The following CAMTA1 variants were observed in gnomAD, a reference collection of about 807,000 sequenced individuals.
The protein encoded by CAMTA1 is calmodulin-binding transcription activator 1.
A neutral mutation model predicts 170.9 loss-of-function variants in CAMTA1; 27 were observed. That is an observed-to-expected ratio of 0.16 (90% confidence interval 0.12 to 0.22). The LOEUF is 0.22. CAMTA1 is among the 10% of genes least tolerant of loss of function. CAMTA1 has a pLI of 1.00. For synonymous variants in CAMTA1, 833 were observed against 891.5 expected (o/e 0.93, Z 1.17); for missense variants, 1,619 against 2,217.2 (o/e 0.73, Z 5.42).
intron 4 of CAMTA1, among the ~76,000 whole-genome samples, chr1:7,152,783 G>A (rs770368092): frequency 1.3e-5 from 2 of 152,224 alleles, no homozygotes; most frequent in Admixed American, 1.3e-4. Flanking sequence ...TGGCCATGTC[G>A]TGTTTCATTT....
At chr1:7,546,972 C>T (rs1031111166) in intron 6 of CAMTA1, among the ~76,000 whole-genome samples, 2 of 152,046 alleles carry the variant, frequency 1.3e-5, no homozygotes, top group African/African-American at 4.8e-5. Context: ...ATAGTATATG[C>T]AAGTATTCCC....
At chr1:7,689,267 CAA>C (rs371037487) in intron 11 of CAMTA1, among the ~76,000 whole-genome samples, 1 of 132,076 alleles carries the variant, frequency 7.6e-6, no homozygotes. Flanking sequence ...AACTCCTTCT[CAA>C]AAAAAAAAAA....
rs115595221 is a variant in CAMTA1, at chr1:7,498,302, G to A, written c.510+30401G>A. ...TGTGAGCGTGTATGAGCGTGACAGT[G>A]AGTGTGGATGTGTGTGTAAGAGTGA... is the stretch of plus-strand genomic sequence containing the variant. On this transcript the variant is annotated intron_variant, in intron 6 of 22. Coordinates refer to ENST00000303635, the MANE Select transcript of CAMTA1 (RefSeq NM_015215.4). Among the ~76,000 whole-genome samples, 1,351 of 150,646 alleles carry A rather than the reference G, an allele frequency of 9.0e-3. 20 individuals are homozygous for A. Among genetic ancestry groups the A allele is most frequent in the African/African-American group, 0.031 (1,239 of 40,474 alleles).
At chr1:7,194,045 A>G (rs1655054036) in intron 4 of CAMTA1, among the ~76,000 whole-genome samples, 1 of 152,234 alleles carries the variant, frequency 6.6e-6, no homozygotes, top group Non-Finnish European at 1.5e-5. Context: ...AGCATTTTAT[A>G]CGTAAACGTA....
rs780640953 is a variant in CAMTA1, at chr1:7,655,225, CACACACACACCTAT to C, written c.665-6479_665-6466del. The stretch of plus-strand genomic sequence containing the variant: ...ATACACACAAACACACCCATCTATA[CACACACACACCTAT>C]ACACACACACCTATACACACAGACC... On this transcript the variant is annotated intron_variant, in intron 7 of 22. Coordinates refer to ENST00000303635, the MANE Select transcript of CAMTA1 (RefSeq NM_015215.4). Among the ~76,000 whole-genome samples the C allele has an allele frequency of 3.1e-3, 50 of 16,078 alleles. 1 individual carries two copies. The highest frequency in any genetic ancestry group is 7.9e-3 in the African/African-American group (43 of 5,436). 10.5% of individuals were successfully genotyped at this position (16,078 alleles called of 152,430 possible).
chr1:6,957,399 G>C (rs1217642824), intron 3 of CAMTA1, among the ~76,000 whole-genome samples: 1 of 152,108 alleles, frequency 6.6e-6, no homozygotes, highest in Non-Finnish European at 1.5e-5. Context: ...GGCAGAAGTT[G>C]GGTCTTGATT....
intron 6 of CAMTA1, among the ~76,000 whole-genome samples, chr1:7,484,143 C>T (rs2093582588): frequency 6.6e-6 from 1 of 152,206 alleles, no homozygotes; most frequent in South Asian, 2.1e-4. Flanking sequence ...GCCGCAGGGC[C>T]ATCACCAGCT....
chr1:7,608,383 G>A (rs1482924495), intron 6 of CAMTA1, among the ~76,000 whole-genome samples: 2 of 152,192 alleles, frequency 1.3e-5, no homozygotes, highest in Admixed American at 6.5e-5. Flanking sequence ...CCTAGTTCCT[G>A]GGGAATGCTC....
intron 4 of CAMTA1, among the ~76,000 whole-genome samples, chr1:7,229,939 C>T (rs1423271904): frequency 7.2e-5 from 11 of 152,086 alleles, no homozygotes; most frequent in Admixed American, 7.2e-4. Flanking sequence ...GATGTTTCTT[C>T]TTGGGGTTTT....
At chr1:6,801,202 G>A (rs1643773675) in intron 1 of CAMTA1, among the ~76,000 whole-genome samples, 1 of 152,202 alleles carries the variant, frequency 6.6e-6, no homozygotes, top group Admixed American at 6.5e-5. Context: ...CAGGCTTTCT[G>A]TACTGAATCT....
At chr1:7,428,486 G>A (rs950955445) in intron 5 of CAMTA1, among the ~76,000 whole-genome samples, 7 of 152,090 alleles carry the variant, frequency 4.6e-5, no homozygotes, top group Non-Finnish European at 8.8e-5. Context: ...CTGCTCAGTT[G>A]CCTCTGGTGG....
At chr1:6,984,802 G>A (rs1042301971) in intron 3 of CAMTA1, among the ~76,000 whole-genome samples, 5 of 152,156 alleles carry the variant, frequency 3.3e-5, no homozygotes, top group African/African-American at 9.7e-5. Flanking sequence ...GCCAGACACC[G>A]AGTTCAGACG....
At chr1:7,031,566 C>A (rs1702799343) in intron 3 of CAMTA1, among the ~76,000 whole-genome samples, 1 of 152,022 alleles carries the variant, frequency 6.6e-6, no homozygotes, top group South Asian at 2.1e-4. Flanking sequence ...TTGAGACAGA[C>A]TCTCACTCTG....
intron 5 of CAMTA1, among the ~76,000 whole-genome samples, chr1:7,417,560 T>C (rs1211451549): frequency 7.9e-5 from 12 of 152,230 alleles, no homozygotes; most frequent in Non-Finnish European, 1.6e-4. Context: ...TCCATGGGCG[T>C]AGGACCCTCT....
rs2096524429 is a variant in CAMTA1 at position 7,706,277 on chromosome 1, C to T, written c.2915-26171C>T. ...TGCCCTCAGATAACTACAGAAATGC[C>T]TCCTGTGTTTGGTTGCTTGAATGAA... On this transcript the variant is annotated intron_variant, in intron 11 of 22. Transcript: ENST00000303635. 4.6e-5 allele frequency among the ~76,000 whole-genome samples: 7 copies of T among 152,310 alleles called. No homozygotes were observed. In the South Asian group the frequency reaches 1.2e-3, roughly 27 times the overall value.
chr1:7,604,884 G>A (rs533063184), intron 6 of CAMTA1, among the ~76,000 whole-genome samples: 1 of 152,264 alleles, frequency 6.6e-6, no homozygotes, highest in South Asian at 2.1e-4. Flanking sequence ...CTGTTTGTTA[G>A]TTTTCCTTCT....
intron 4 of CAMTA1, among the ~76,000 whole-genome samples, chr1:7,130,661 A>C (rs75516596): frequency 0.015 from 2,226 of 152,166 alleles, 50 homozygotes; most frequent in African/African-American, 0.051. Context: ...ATTTTTAGCT[A>C]ATCTAGTGTA....
intron 1 of CAMTA1, among the ~76,000 whole-genome samples, chr1:6,808,579 G>T (rs1224096512): frequency 6.6e-6 from 1 of 152,148 alleles, no homozygotes; most frequent in East Asian, 1.9e-4. Flanking sequence ...CCCTTCCTGT[G>T]TGCACCATAG....
chr1:7,522,691 G>T (rs2094381332), intron 6 of CAMTA1, among the ~76,000 whole-genome samples: 1 of 152,086 alleles, frequency 6.6e-6, no homozygotes, highest in Non-Finnish European at 1.5e-5. Flanking sequence ...TTGTTTCTGG[G>T]GTTTGGTTTT....
Sources: allele counts gnomAD v4.1 joint callset (sites outside exome capture counted in the v4.1 genomes callset), GRCh38; gene constraint gnomAD v4.1.1; transcripts MANE v1.5; gene names NCBI Gene and HGNC (gene_info 2026-07-23, HGNC 2026-07-21).